Variants in TMEM117 observed in about 807,000 individuals in gnomAD.
TMEM117 encodes the protein transmembrane protein 117.
TMEM117 carries 27 observed loss-of-function variants against 52.4 expected under a neutral mutation model. That is an observed-to-expected ratio of 0.51 (90% confidence interval 0.38 to 0.71). The LOEUF is 0.71. TMEM117 is among the 30% of genes least tolerant of loss of function. TMEM117 has a pLI of 0.00. For synonymous variants in TMEM117, 215 were observed against 206.3 expected, an observed-to-expected ratio of 1.04 and a Z score of -0.36; for missense variants, 556 against 630.5, an observed-to-expected ratio of 0.88 and a Z score of 1.26.
rs183343738 is a variant in TMEM117 at position 44,146,700 on chromosome 12, A to G, written c.510+3076A>G. On this transcript the variant is annotated intron_variant, in intron 4 of 7. Transcript: ENST00000266534. Reference sequence around the variant, plus strand: ...TATATTGATAACATTTAAAAAAATAATATTTTCCCTCATGAGAGAAGTCTA... The same window carrying G: ...TATATTGATAACATTTAAAAAAATAGTATTTTCCCTCATGAGAGAAGTCTA... Among the ~76,000 whole-genome samples the G allele has an allele frequency of 5.9e-5, 9 of 152,326 alleles. No homozygotes were observed. The East Asian group carries it at 1.2e-3, about 20-fold the overall frequency.
the TMEM117 span, among the ~76,000 whole-genome samples, chr12:43,799,770 A>T: frequency 5.4e-3 from 822 of 152,228 alleles, 9 homozygotes; most frequent in African/African-American, 0.018. Context: ...GAAATACTGA[A>T]CCTGGTCATC....
chr12:43,924,817 A>C (rs1944752276), intron 2 of TMEM117, among the ~76,000 whole-genome samples: 1 of 152,200 alleles, frequency 6.6e-6, no homozygotes, highest in Non-Finnish European at 1.5e-5. Flanking sequence ...TAAAACAAGA[A>C]TAAACATTTG....
At chr12:44,242,355 A>G (rs1950073438) in intron 5 of TMEM117, among the ~76,000 whole-genome samples, 1 of 151,564 alleles carries the variant, frequency 6.6e-6, no homozygotes, top group Admixed American at 6.6e-5. Context: ...AGTTCTTATC[A>G]TTTAGCTCTC....
At chr12:43,812,690 T>C in the TMEM117 span, among the ~76,000 whole-genome samples, 1 of 152,066 alleles carries the variant, frequency 6.6e-6, no homozygotes, top group South Asian at 2.1e-4. Flanking sequence ...ACTTTGATCC[T>C]ATACTAGGCT....
intron 4 of TMEM117, among the ~76,000 whole-genome samples, chr12:44,210,720 C>T (rs892945094): frequency 3.3e-4 from 50 of 151,940 alleles, no homozygotes; most frequent in Admixed American, 2.9e-3. Flanking sequence ...ACTTAGGCCT[C>T]GGAAGATGGG....
At chr12:44,093,092 G>A (rs940408697) in intron 3 of TMEM117, among the ~76,000 whole-genome samples, 2 of 152,106 alleles carry the variant, frequency 1.3e-5, no homozygotes, top group African/African-American at 4.8e-5. Flanking sequence ...GACTGTGAAA[G>A]TTTGAGATGA....
chr12:43,979,612 C>T (rs73085764), intron 3 of TMEM117, among the ~76,000 whole-genome samples: 10,745 of 152,112 alleles, frequency 0.071, 508 homozygotes, highest in African/African-American at 0.12. Flanking sequence ...CTTGAGGAAT[C>T]GCTGTGGGGG....
At chr12:44,196,851 T>C (rs2138357303) in intron 4 of TMEM117, among the ~76,000 whole-genome samples, 1 of 152,350 alleles carries the variant, frequency 6.6e-6, no homozygotes, top group South Asian at 2.1e-4. Context: ...CCTTACTTCT[T>C]AATCTTTCAA....
chr12:43,980,857 A>T (rs2137720186), intron 3 of TMEM117, among the ~76,000 whole-genome samples: 1 of 152,306 alleles, frequency 6.6e-6, no homozygotes, highest in Middle Eastern at 3.4e-3. Flanking sequence ...TTTAGTACAG[A>T]TTTAATGACA....
intron 3 of TMEM117, among the ~76,000 whole-genome samples, chr12:44,063,145 T>G (rs564110900): frequency 6.6e-6 from 1 of 152,088 alleles, no homozygotes; most frequent in East Asian, 1.9e-4. Flanking sequence ...AGACTGAAAA[T>G]CCTATCTCCC....
At chr12:44,312,470 AG>A (rs1380746685) in intron 6 of TMEM117, among the ~76,000 whole-genome samples, 1 of 152,112 alleles carries the variant, frequency 6.6e-6, no homozygotes, top group African/African-American at 2.4e-5. Flanking sequence ...GTAATATTCC[AG>A]GGTGTACATG....
At chr12:43,831,973 G>A (rs1001930314), upstream of TMEM117, among the ~76,000 whole-genome samples, 9 of 152,212 alleles carry the variant, frequency 5.9e-5, no homozygotes, top group African/African-American at 1.9e-4. Context: ...TGATTGACTA[G>A]TGTGATCTGA....
At chr12:44,195,061 C>T (rs1016536495) in intron 4 of TMEM117, among the ~76,000 whole-genome samples, 4 of 152,302 alleles carry the variant, frequency 2.6e-5, no homozygotes, top group Middle Eastern at 3.4e-3. Flanking sequence ...AAACAAGACA[C>T]ATTTGATAGC....
intron 5 of TMEM117, among the ~76,000 whole-genome samples, chr12:44,253,835 TACACACACACACAC>T (rs10565033): frequency 1.7e-4 from 23 of 136,332 alleles, no homozygotes; most frequent in African/African-American, 4.0e-4. Flanking sequence ...TGATAATTCC[TACACACACACACAC>T]ACACACACAC....
At chr12:44,098,806 A>G (rs1159427680) in intron 3 of TMEM117, among the ~76,000 whole-genome samples, 1 of 152,158 alleles carries the variant, frequency 6.6e-6, no homozygotes, top group Non-Finnish European at 1.5e-5. Context: ...AGTCTCTCCA[A>G]ATAATATTGA....
At chr12:44,090,297 A>G (rs1353813922) in intron 3 of TMEM117, among the ~76,000 whole-genome samples, 1 of 151,962 alleles carries the variant, frequency 6.6e-6, no homozygotes, top group African/African-American at 2.4e-5. Flanking sequence ...ATAGCCTCTG[A>G]TAGGTGGTTT....
intron 6 of TMEM117, among the ~76,000 whole-genome samples, chr12:44,307,999 A>G (rs148203196): frequency 5.0e-4 from 76 of 152,386 alleles, no homozygotes; most frequent in African/African-American, 1.8e-3. Context: ...TGAAACTGAT[A>G]GTAAATTCTG....
intron 3 of TMEM117, among the ~76,000 whole-genome samples, chr12:43,963,303 T>C (rs1338906973): frequency 6.6e-6 from 1 of 152,094 alleles, no homozygotes; most frequent in Non-Finnish European, 1.5e-5. Flanking sequence ...TTTACTTTTA[T>C]TAGAGAATTT....
chr12:44,078,743 A>G (rs1247315016), intron 3 of TMEM117, among the ~76,000 whole-genome samples: 2 of 151,748 alleles, frequency 1.3e-5, no homozygotes, highest in Non-Finnish European at 2.9e-5. Flanking sequence ...AAGTTCTGGG[A>G]TACATGTGAA....
Sources: allele counts gnomAD v4.1 joint callset (sites outside exome capture counted in the v4.1 genomes callset), GRCh38; gene constraint gnomAD v4.1.1; transcripts MANE v1.5; gene names NCBI Gene and HGNC (gene_info 2026-07-23, HGNC 2026-07-21).